Variants in DENND1A observed in about 807,000 individuals in gnomAD.
The protein encoded by DENND1A is DENN domain containing 1A.
Under a neutral mutation model 113.7 loss-of-function variants are expected in DENND1A, and 51 were observed. The ratio of observed to expected loss-of-function variants is 0.45; its 90% CI spans 0.36 to 0.57. DENND1A has a LOEUF of 0.57. Ranked by LOEUF, DENND1A falls within the 20% of genes least tolerant of loss-of-function variation. The pLI is 0.00. For missense variants in DENND1A, 1,258 were observed against 1,395.9 expected (o/e 0.90, Z 1.57); for synonymous variants, 565 against 570.8 (o/e 0.99, Z 0.14).
At chr9:123,749,941 C>G (rs1168946038) in intron 5 of DENND1A, among the ~76,000 whole-genome samples, 1 of 152,192 alleles carries the variant, frequency 6.6e-6, no homozygotes, top group Non-Finnish European at 1.5e-5. Context: ...TCCCTTTTAG[C>G]CAAAGTCTTA....
intron 11 of DENND1A, among the ~76,000 whole-genome samples, chr9:123,592,954 C>T (rs1484157767): frequency 6.6e-6 from 1 of 152,120 alleles, no homozygotes; most frequent in Non-Finnish European, 1.5e-5. Flanking sequence ...TCTGGTGTAT[C>T]AGAAGCACTA....
intron 9 of DENND1A, among the ~76,000 whole-genome samples, chr9:123,631,754 T>C (rs2061485163): frequency 6.6e-6 from 1 of 152,220 alleles, no homozygotes; most frequent in South Asian, 2.1e-4. Context: ...CTATTTTGTA[T>C]TCCTTTTTTT....
At chr9:123,910,011 T>G (rs1391733711) in intron 1 of DENND1A, among the ~76,000 whole-genome samples, 1 of 151,982 alleles carries the variant, frequency 6.6e-6, no homozygotes, top group Non-Finnish European at 1.5e-5. Flanking sequence ...AACTACAAAA[T>G]GCTGCTGAAA....
At chr9:123,503,101 A>G (rs2052629907) in intron 13 of DENND1A, among the ~76,000 whole-genome samples, 1 of 152,162 alleles carries the variant, frequency 6.6e-6, no homozygotes, top group African/African-American at 2.4e-5. Flanking sequence ...GCTTCACATA[A>G]TACCTGGCAG....
intron 13 of DENND1A, among the ~76,000 whole-genome samples, chr9:123,467,767 C>T (rs2049076898): frequency 6.6e-6 from 1 of 152,186 alleles, no homozygotes. Context: ...TGTGACTGCA[C>T]AGGTCCATGC....
chr9:123,831,598 A>C (rs1840221924), intron 2 of DENND1A, among the ~76,000 whole-genome samples: 1 of 152,230 alleles, frequency 6.6e-6, no homozygotes, highest in Non-Finnish European at 1.5e-5. Context: ...ATAGATAAAG[A>C]GACCAGGAAG....
chr9:123,604,822 G>C (rs558928099), intron 11 of DENND1A, among the ~76,000 whole-genome samples: 1 of 152,264 alleles, frequency 6.6e-6, no homozygotes, highest in East Asian at 1.9e-4. Flanking sequence ...GAACCCAAGA[G>C]CTCCTAAAAC....
intron 2 of DENND1A, among the ~76,000 whole-genome samples, chr9:123,876,294 C>A (rs548574255): frequency 6.6e-6 from 1 of 152,258 alleles, no homozygotes; most frequent in Non-Finnish European, 1.5e-5. Context: ...AAATGGACTG[C>A]ATGATTCCGG....
At chr9:123,515,852 A>G (rs1040955903) in intron 13 of DENND1A, among the ~76,000 whole-genome samples, 5 of 152,118 alleles carry the variant, frequency 3.3e-5, no homozygotes, top group Middle Eastern at 3.4e-3. Context: ...AGATCCCTTG[A>G]GCCCAGGAGT....
At chr9:123,473,991 T>C (rs1355833632) in intron 13 of DENND1A, among the ~76,000 whole-genome samples, 5,421 of 123,920 alleles carry the variant, frequency 0.044, 448 homozygotes, top group African/African-American at 0.17. Flanking sequence ...TCTTTCTTTT[T>C]TTTTTTTTTT....
intron 13 of DENND1A, among the ~76,000 whole-genome samples, chr9:123,552,039 CAGAGAGAG>C (rs58452320): frequency 0.01 from 1,348 of 128,432 alleles, 9 homozygotes; most frequent in Non-Finnish European, 0.015. Context: ...GAGAGAGAGA[CAGAGAGAG>C]AGAGAGAGAG....
intron 5 of DENND1A, among the ~76,000 whole-genome samples, chr9:123,709,548 C>G (rs992596762): frequency 6.6e-6 from 1 of 152,106 alleles, no homozygotes; most frequent in Non-Finnish European, 1.5e-5. Flanking sequence ...CTCTTACTTC[C>G]CCATGTCCCT....
chr9:123,448,434 C>T (rs1588580589), intron 18 of DENND1A, among the ~76,000 whole-genome samples: 1 of 152,128 alleles, frequency 6.6e-6, no homozygotes, highest in African/African-American at 2.4e-5. Flanking sequence ...CCAATGAGGG[C>T]GCATGGGGCC....
intron 12 of DENND1A, among the ~76,000 whole-genome samples, chr9:123,575,912 T>A (rs1473841843): frequency 1.3e-5 from 2 of 152,254 alleles, no homozygotes; most frequent in African/African-American, 4.8e-5. Flanking sequence ...CTTGCTTTTT[T>A]ATATAATAAC....
At chr9:123,829,146 G>C (rs997723083) in intron 2 of DENND1A, among the ~76,000 whole-genome samples, 2 of 152,086 alleles carry the variant, frequency 1.3e-5, no homozygotes, top group Non-Finnish European at 2.9e-5. Flanking sequence ...ACATATAAAT[G>C]AGCAATAAAT....
intron 2 of DENND1A, among the ~76,000 whole-genome samples, chr9:123,833,450 G>C (rs564892368): frequency 3.3e-5 from 5 of 152,066 alleles, no homozygotes; most frequent in African/African-American, 4.8e-5. Flanking sequence ...AATTCCTTAG[G>C]GGGGAGAAAT....
intron 19 of DENND1A, among the ~76,000 whole-genome samples, chr9:123,425,195 G>T (rs965162972): frequency 6.6e-6 from 1 of 152,236 alleles, no homozygotes; most frequent in African/African-American, 2.4e-5. Context: ...CTCTGGCACA[G>T]AGAATTCTAA....
chr9:123,876,594 G>C (rs568155155), intron 2 of DENND1A, among the ~76,000 whole-genome samples: 1 of 152,176 alleles, frequency 6.6e-6, no homozygotes, highest in South Asian at 2.1e-4. Flanking sequence ...GTATTGGGGG[G>C]GTGATAAAGC....
At chr9:123,802,099 A>C (rs916351083) in intron 2 of DENND1A, among the ~76,000 whole-genome samples, 1 of 152,184 alleles carries the variant, frequency 6.6e-6, no homozygotes, top group African/African-American at 2.4e-5. Flanking sequence ...TGGCTCCCCA[A>C]CTCACAAAAC....
Sources: allele counts gnomAD v4.1 joint callset (sites outside exome capture counted in the v4.1 genomes callset), GRCh38; gene constraint gnomAD v4.1.1; transcripts MANE v1.5; gene names NCBI Gene and HGNC (gene_info 2026-07-23, HGNC 2026-07-21).